The following ASIC2 variants were observed in gnomAD, a reference collection of about 807,000 sequenced individuals.
The protein encoded by ASIC2 is acid sensing ion channel subunit 2, also known as acid-sensing ion channel 2.
ASIC2 carries 25 observed loss-of-function variants against 57.3 expected under a neutral mutation model. That is an observed-to-expected ratio of 0.44 (90% CI 0.32 to 0.61). The LOEUF is 0.61. Ranked by LOEUF, ASIC2 falls within the 20% of genes least tolerant of loss-of-function variation. The pLI is 0.06. For missense variants in ASIC2, 641 were observed against 738.1 expected (o/e 0.87, Z 1.52); for synonymous variants, 319 against 307.5 (o/e 1.04, Z -0.39).
chr17:33,653,838 T>C (rs543978926), intron 1 of ASIC2, among the ~76,000 whole-genome samples: 34 of 152,328 alleles, frequency 2.2e-4, no homozygotes, highest in Admixed American at 2.6e-4. Flanking sequence ...TATTATTACT[T>C]AAAAATGTGA....
At position 33,292,339 on chromosome 17, in the gene ASIC2, A is replaced by T. The variant is rs1905523778; in HGVS notation, c.-224T>A. On this transcript the variant is annotated 5_prime_UTR_variant, in exon 1 of 10. Coordinates refer to ENST00000225823, the MANE Select transcript of ASIC2 (RefSeq NM_183377.2). ...GGGGCTGAGCGCCGCCTCAGCCCGC[A>T]GCCCCTGGCAGTGGCCTCTCCCGAG... 3.0e-6 allele frequency: 3 copies of T among 985,900 alleles called. No homozygotes were observed. In the South Asian group the frequency reaches 1.4e-4, roughly 46 times the overall value. The allele number at this position is 985,900 out of a possible 1,614,324, so 61.1% of individuals were successfully genotyped here. A position where few individuals can be genotyped will look rare whatever the true frequency, so the allele number is the denominator to read the frequency against.
chr17:33,450,585 A>T (rs953472507), intron 1 of ASIC2, among the ~76,000 whole-genome samples: 1 of 152,250 alleles, frequency 6.6e-6, no homozygotes, highest in African/African-American at 2.4e-5. Context: ...ATGGTTGCAC[A>T]ACAATAAACA....
chr17:33,306,837 T>C (rs1247427015), intron 1 of ASIC2, among the ~76,000 whole-genome samples: 1 of 152,208 alleles, frequency 6.6e-6, no homozygotes, highest in Non-Finnish European at 1.5e-5. Context: ...ATCTGTGTGC[T>C]GTGTCACACA....
At chr17:33,626,834 C>T (rs955166505) in intron 1 of ASIC2, among the ~76,000 whole-genome samples, 3 of 152,170 alleles carry the variant, frequency 2.0e-5, no homozygotes, top group African/African-American at 7.2e-5. Context: ...TCCTGATTTC[C>T]AGCACTCAAA....
chr17:33,953,714 T>C (rs1462226987), intron 1 of ASIC2, among the ~76,000 whole-genome samples: 1 of 152,162 alleles, frequency 6.6e-6, no homozygotes, highest in African/African-American at 2.4e-5. Flanking sequence ...CAAGCAGGGT[T>C]GAACAAGGAA....
chr17:34,002,898 C>T (rs1906391486), intron 1 of ASIC2: 1 of 152,160 alleles, frequency 6.6e-6, no homozygotes. Context: ...TAATCTCACT[C>T]CTGTCTTTCT....
At position 33,232,406 on chromosome 17, in the gene ASIC2, A is replaced by AATGGTATGGTATGGT. The variant is rs1160468658; in HGVS notation, c.708+58987_708+59001dup. ...GTATGGCAGCCTAGGTATGGTATGG[A>AATGGTATGGTATGGT]ATGGTATGGTATGGTATGGTATGGT... On this transcript the variant is annotated intron_variant, in intron 1 of 9. Transcript: ENST00000225823. Among the ~76,000 whole-genome samples, 11 of 136,146 alleles carry AATGGTATGGTATGGT rather than the reference A, an allele frequency of 8.1e-5. 1 individual carries two copies. Among genetic ancestry groups the AATGGTATGGTATGGT allele is most frequent in the African/African-American group, 2.9e-4 (10 of 34,152 alleles). 89.3% of individuals were successfully genotyped at this position (136,146 alleles called of 152,430 possible).
chr17:33,291,021 C>T (rs1239712455), intron 1 of ASIC2: 2 of 132,574 alleles, frequency 1.5e-5, no homozygotes, highest in African/African-American at 9.8e-5. Flanking sequence ...AAGAAGTCCG[C>T]ACTTAAGAGA....
At chr17:33,240,318 C>A (rs1417621106) in intron 1 of ASIC2, among the ~76,000 whole-genome samples, 1 of 152,162 alleles carries the variant, frequency 6.6e-6, no homozygotes, top group Non-Finnish European at 1.5e-5. Context: ...CCTGTGTGAA[C>A]CTACAGGTTT....
At chr17:33,722,554 G>T (rs562949156) in intron 1 of ASIC2, among the ~76,000 whole-genome samples, 36 of 151,874 alleles carry the variant, frequency 2.4e-4, no homozygotes, top group Admixed American at 1.8e-3. Flanking sequence ...ACTGCTTGAA[G>T]CCAGGAGTTA....
intron 1 of ASIC2, among the ~76,000 whole-genome samples, chr17:33,438,848 CT>C (rs55935165): frequency 0.089 from 11,660 of 130,352 alleles, 442 homozygotes; most frequent in South Asian, 0.15. Flanking sequence ...GCAGGGGAAC[CT>C]TTTTTTTTTT....
At chr17:33,709,732 G>A (rs1908968991) in intron 1 of ASIC2, among the ~76,000 whole-genome samples, 1 of 152,188 alleles carries the variant, frequency 6.6e-6, no homozygotes, top group Non-Finnish European at 1.5e-5. Flanking sequence ...AGTAGCTTTT[G>A]CATTGGGGGA....
rs577000502 is a variant in ASIC2 at position 33,043,700 on chromosome 17, A to G, written c.988-15308T>C. On this transcript the variant is annotated intron_variant, in intron 3 of 9. Coordinates refer to ENST00000225823, the MANE Select transcript of ASIC2 (RefSeq NM_183377.2). ...ACTTATTATGTATTATATAAAATAC[A>G]GAATGTGCTCAGCATGACTTCCCCA... Among the ~76,000 whole-genome samples the G allele has an allele frequency of 2.6e-5, 4 of 152,386 alleles. No individual in the cohort carries two copies. In the South Asian group the frequency reaches 8.3e-4, roughly 32 times the overall value.
chr17:33,385,548 C>G (rs2141949090), intron 1 of ASIC2, among the ~76,000 whole-genome samples: 1 of 152,368 alleles, frequency 6.6e-6, no homozygotes, highest in Middle Eastern at 3.4e-3. Context: ...TCATTTTGAT[C>G]TGTTTAATAA....
At chr17:33,432,202 G>A (rs376943044) in intron 1 of ASIC2, among the ~76,000 whole-genome samples, 2 of 152,172 alleles carry the variant, frequency 1.3e-5, no homozygotes, top group Non-Finnish European at 1.5e-5. Flanking sequence ...TCTACTCAAC[G>A]TGAAGACAAC....
At chr17:33,254,840 CCA>C (rs1909004694) in intron 1 of ASIC2, among the ~76,000 whole-genome samples, 1 of 152,056 alleles carries the variant, frequency 6.6e-6, no homozygotes, top group Non-Finnish European at 1.5e-5. Context: ...TAACTAATCC[CCA>C]CACAGACACG....
At chr17:33,431,202 C>A (rs942025937) in intron 1 of ASIC2, among the ~76,000 whole-genome samples, 2 of 152,168 alleles carry the variant, frequency 1.3e-5, no homozygotes, top group Admixed American at 6.5e-5. Flanking sequence ...ACAGTCCAGA[C>A]CCTATAAATG....
chr17:33,210,161 C>T (rs114909291), intron 1 of ASIC2, among the ~76,000 whole-genome samples: 1,603 of 152,292 alleles, frequency 0.011, 32 homozygotes, highest in African/African-American at 0.037. Flanking sequence ...ACCTCACAGA[C>T]ACCAGTGGAG....
intron 1 of ASIC2, among the ~76,000 whole-genome samples, chr17:33,226,999 G>A (rs1907906308): frequency 9.3e-6 from 1 of 107,768 alleles, no homozygotes; most frequent in Non-Finnish European, 1.9e-5. Flanking sequence ...TTGAAAAAAA[G>A]GTCAATAACT....
Sources: gnomAD v4.1 joint callset for allele counts (sites outside exome capture counted in the v4.1 genomes callset) on GRCh38, gnomAD v4.1.1 for gene constraint, MANE v1.5 for transcripts, NCBI Gene and HGNC (gene_info 2026-07-23, HGNC 2026-07-21) for gene names.